RNLS: variants seen among roughly 807,000 people sequenced by gnomAD.
The protein encoded by RNLS is renalase.
Under a neutral mutation model 39.8 loss-of-function variants are expected in RNLS, and 39 were observed. That is an observed-to-expected ratio of 0.98 (90% CI 0.76 to 1.28). RNLS has a LOEUF of 1.28. Ranked by LOEUF, RNLS falls within the 50% of genes most tolerant of loss-of-function variation. RNLS has a pLI of 0.00. For missense variants in RNLS, 410 were observed against 413.3 expected (o/e 0.99, Z 0.07); for synonymous variants, 147 against 150.7 (o/e 0.98, Z 0.18).
At chr10:88,442,660 C>G (rs1841783934) in intron 4 of RNLS, among the ~76,000 whole-genome samples, 1 of 152,132 alleles carries the variant, frequency 6.6e-6, no homozygotes, top group Non-Finnish European at 1.5e-5. Context: ...CCTTTCCTCT[C>G]AACAGTTCCT....
intron 6 of RNLS, among the ~76,000 whole-genome samples, chr10:88,301,384 A>G (rs1314453456): frequency 6.6e-6 from 1 of 152,152 alleles, no homozygotes; most frequent in African/African-American, 2.4e-5. Context: ...ACTCAACGCA[A>G]TGCTTATGAT....
chr10:88,186,704 T>G, the RNLS span, among the ~76,000 whole-genome samples: 3 of 151,964 alleles, frequency 2.0e-5, no homozygotes, highest in African/African-American at 7.2e-5. Context: ...TGGCTAACTC[T>G]GTTGGAAAAT....
At chr10:88,479,976 A>T (rs1844061509) in intron 4 of RNLS, among the ~76,000 whole-genome samples, 1 of 152,078 alleles carries the variant, frequency 6.6e-6, no homozygotes. Context: ...GCTCACATTC[A>T]TCAAGTGTTT....
At chr10:88,520,560 AATTGATG>A (rs1251217325) in intron 4 of RNLS, among the ~76,000 whole-genome samples, 1 of 152,050 alleles carries the variant, frequency 6.6e-6, no homozygotes, top group Non-Finnish European at 1.5e-5. Context: ...TAAGAAAAGA[AATTGATG>A]ATTGAGGTAG....
intron 4 of RNLS, among the ~76,000 whole-genome samples, chr10:88,454,651 C>T (rs1842532397): frequency 6.6e-6 from 1 of 152,174 alleles, no homozygotes. Flanking sequence ...CTCAAATAAA[C>T]CAGAGGTGCT....
At chr10:88,358,424 A>G (rs1849371082) in intron 5 of RNLS, among the ~76,000 whole-genome samples, 1 of 152,246 alleles carries the variant, frequency 6.6e-6, no homozygotes, top group African/African-American at 2.4e-5. Flanking sequence ...CTGAAATACA[A>G]TATCCCATGA....
At chr10:88,451,575 TG>T (rs1360568090) in intron 4 of RNLS, among the ~76,000 whole-genome samples, 12 of 152,188 alleles carry the variant, frequency 7.9e-5, no homozygotes, top group Admixed American at 6.5e-4. Flanking sequence ...TAATATGCAA[TG>T]TAAATTTTCT....
intron 4 of RNLS, among the ~76,000 whole-genome samples, chr10:88,364,253 G>T (rs1379582554): frequency 1.3e-5 from 2 of 152,174 alleles, no homozygotes; most frequent in African/African-American, 4.8e-5. Flanking sequence ...CAACAGTAGG[G>T]ATAAGTGAAC....
the RNLS span, among the ~76,000 whole-genome samples, chr10:88,206,173 A>C: frequency 6.6e-6 from 1 of 152,180 alleles, no homozygotes; most frequent in Non-Finnish European, 1.5e-5. Flanking sequence ...TAGCCTGTGG[A>C]CTGCAACATT....
the RNLS span, among the ~76,000 whole-genome samples, chr10:88,203,154 T>C: frequency 6.7e-6 from 1 of 150,224 alleles, no homozygotes; most frequent in Non-Finnish European, 1.5e-5. Flanking sequence ...ATGGGAATCT[T>C]ATGCTCAGCG....
chr10:88,370,624 C>T (rs1276608208), intron 4 of RNLS, among the ~76,000 whole-genome samples: 1 of 152,118 alleles, frequency 6.6e-6, no homozygotes, highest in Non-Finnish European at 1.5e-5. Context: ...AAATGTTGTG[C>T]ACGAATTCAA....
chr10:88,541,854 A>G (rs1227621283), intron 4 of RNLS, among the ~76,000 whole-genome samples: 6 of 152,180 alleles, frequency 3.9e-5, no homozygotes, highest in South Asian at 2.1e-4. Flanking sequence ...GGTTCTTTAT[A>G]GTGGAGGGAG....
At chr10:88,265,947 A>G in the RNLS span, among the ~76,000 whole-genome samples, 1 of 152,132 alleles carries the variant, frequency 6.6e-6, no homozygotes, top group East Asian at 1.9e-4. Context: ...TTTTCTCCGA[A>G]TTCCTTTCCT....
At chr10:88,205,538 G>A in the RNLS span, among the ~76,000 whole-genome samples, 3 of 152,034 alleles carry the variant, frequency 2.0e-5, no homozygotes, top group East Asian at 1.9e-4. Context: ...AGAATCAGTC[G>A]CTTCACTTTG....
chr10:88,196,738 G>A, the RNLS span, among the ~76,000 whole-genome samples: 17 of 152,270 alleles, frequency 1.1e-4, no homozygotes, highest in Non-Finnish European at 1.8e-4. Context: ...GACAATGCCC[G>A]GGTGACCTGC....
In RNLS at chr10:88,426,856, G is replaced by A. The variant is rs144988067; in HGVS notation, c.527-64131C>T. On this transcript the variant is annotated intron_variant, in intron 4 of 6. Coordinates refer to ENST00000331772, the MANE Select transcript of RNLS (RefSeq NM_001031709.3). ...GGGGTAACAGTAGTACATGGGGAGG[G>A]GAAGCCCTCAGAAAGATGTCAGATA... 1.8e-4 allele frequency among the ~76,000 whole-genome samples: 27 copies of A among 152,054 alleles called. No homozygotes were observed. In the East Asian group the frequency reaches 5.2e-3, roughly 29 times the overall value.
intron 4 of RNLS, among the ~76,000 whole-genome samples, chr10:88,543,113 C>T (rs1236879602): frequency 1.3e-5 from 2 of 152,096 alleles, no homozygotes; most frequent in East Asian, 1.9e-4. Context: ...TACTCTTTCC[C>T]CTTGTTCTCA....
At chr10:88,382,198 T>TATCA (rs1222624578) in intron 4 of RNLS, among the ~76,000 whole-genome samples, 2 of 152,104 alleles carry the variant, frequency 1.3e-5, no homozygotes, top group African/African-American at 2.4e-5. Flanking sequence ...ATTTCATACC[T>TATCA]ATCATCTCAA....
the RNLS span, among the ~76,000 whole-genome samples, chr10:88,185,414 TG>T: frequency 1.3e-5 from 2 of 152,188 alleles, no homozygotes; most frequent in Non-Finnish European, 2.9e-5. Context: ...CCATTTATAT[TG>T]TTTTTTTAAA....
Sources: allele counts gnomAD v4.1 joint callset (sites outside exome capture counted in the v4.1 genomes callset), GRCh38; gene constraint gnomAD v4.1.1; transcripts MANE v1.5; gene names NCBI Gene and HGNC (gene_info 2026-07-23, HGNC 2026-07-21).